Variants in BAX observed in about 807,000 individuals in gnomAD.
The protein encoded by BAX is apoptosis regulator BAX.
In BAX, 21 loss-of-function variants were observed where a neutral mutation model predicts 26.8. That is an observed-to-expected ratio of 0.78 (90% CI 0.56 to 1.13). The LOEUF (loss-of-function observed/expected upper bound fraction) is 1.13. BAX is among the 50% of genes most tolerant of loss of function. The pLI is 0.00. For missense variants in BAX, 236 were observed against 254.6 expected, an observed-to-expected ratio of 0.93 and a Z score of 0.50; for synonymous variants, 110 against 101.8, an observed-to-expected ratio of 1.08 and a Z score of -0.49.
intron 3 of BAX, 65 bp downstream of exon 3, chr19:48,955,898 C>CCCG: frequency 1.3e-6 from 2 of 1,494,234 alleles, no homozygotes; most frequent in Non-Finnish European, 1.8e-6. Flanking sequence ...GACTCTCAGC[C>CCCG]CCGCATTCTC....
In BAX at chr19:48,955,825, G is replaced by A; in HGVS notation, c.225G>A (p.Glu75=). The part of the protein sequence containing the change: ...RIGDELDSNM[E]LQRMIAAVDT... ...GGGACGAACTGGACAGTAACATGGAGCTGCAGAGGTGTGGGCCCCTGAGGA... is the reference window on the plus strand; with the variant it reads ...GGGACGAACTGGACAGTAACATGGAACTGCAGAGGTGTGGGCCCCTGAGGA... Residue 75 remains glutamate, a synonymous_variant, in exon 3 of 6, where the codon GAG becomes GAA. Transcript: ENST00000345358. The A allele has an allele frequency of 6.9e-6, 11 of 1,596,480 alleles. No homozygotes were observed. The highest frequency in any genetic ancestry group is 9.4e-6 in the Non-Finnish European group (11 of 1,169,792).
chr19:48,959,340 AC>A (rs1400392963), intron 4 of BAX, among the ~76,000 whole-genome samples: 3 of 96,358 alleles, frequency 3.1e-5, no homozygotes, highest in East Asian at 5.7e-4. Context: ...ACAGAGTGAG[AC>A]TCCGTCTCAA....
Position 48,960,843 on chromosome 19 carries a change from A to G in BAX, c.403A>G (p.Thr135Ala). The G allele has an allele frequency of 6.2e-7, 1 of 1,614,052 alleles. No individual in the cohort carries two copies. Among genetic ancestry groups the G allele is most frequent in the Non-Finnish European group, 8.5e-7 (1 of 1,179,990 alleles). The change falls in exon 5 of 6, where the codon ACC becomes GCC. Residue 135 changes from threonine (T) to alanine (A), a missense_variant. Thr to Ala is a moderately conservative substitution (Grantham distance 58, BLOSUM62 0). Coordinates refer to ENST00000345358, the MANE Select transcript of BAX (RefSeq NM_138761.4). ...CACCAAGGTGCCGGAACTGATCAGAACCATCATGGGCTGGACATTGGACTT... is the reference window on the plus strand; with the variant it reads ...CACCAAGGTGCCGGAACTGATCAGAGCCATCATGGGCTGGACATTGGACTT... ...LCTKVPELIR[T>A]IMGWTLDFLR...
rs527361388 is a variant in BAX at position 48,957,329 on chromosome 19, C to T, written c.369+996C>T. ...TCACTTTGTTGCCCAGGCTGGAGTG[C>T]AATGGCGCCATCTCGGCTCACTGCA... is the stretch of plus-strand genomic sequence containing the variant. On this transcript the variant is annotated intron_variant, in intron 4 of 5. Coordinates refer to ENST00000345358, the MANE Select transcript of BAX (RefSeq NM_138761.4). Among the ~76,000 whole-genome samples, 33 of 114,792 alleles carry T rather than the reference C, an allele frequency of 2.9e-4. 1 individual carries two copies. The South Asian group carries it at 0.01, about 36-fold the overall frequency. 75.3% of individuals were successfully genotyped at this position (114,792 alleles called of 152,430 possible).
At position 48,954,925 on chromosome 19, in the gene BAX, G is replaced by A. The variant is rs756379361; in HGVS notation, c.-4G>A. 38 of 1,238,640 alleles carry A rather than the reference G, an allele frequency of 3.1e-5. No homozygotes were observed. In the African/African-American group the frequency reaches 5.3e-4, roughly 17 times the overall value. The allele number at this position is 1,238,640 out of a possible 1,614,324, so 76.7% of individuals were successfully genotyped here. A position where few individuals can be genotyped will look rare whatever the true frequency, so the allele number is the denominator to read the frequency against. On this transcript the variant is annotated 5_prime_UTR_variant, in exon 1 of 6. Coordinates refer to ENST00000345358, the MANE Select transcript of BAX (RefSeq NM_138761.4). ...GGCGAGAGGCGGCGGCGGGAGCGGC[G>A]GTGATGGACGGGTCCGGGGAGCAGC...
rs760586942 is a variant in BAX at position 48,955,701 on chromosome 19, G to A, written c.101G>A (p.Arg34Gln). The change falls in exon 3 of 6, where the codon CGA becomes CAA. Residue 34 changes from arginine (R) to glutamine (Q), a missense_variant. Transcript: ENST00000345358. ...CCCCACTCTAGTTTCATCCAGGATC[G>A]AGCAGGGCGAATGGGGGGGGAGGCA... Reference protein sequence around the residue: ...ALLLQGFIQDRAGRMGGEAPE... With the variant: ...ALLLQGFIQDQAGRMGGEAPE... 2 of 1,612,414 alleles carry A rather than the reference G, an allele frequency of 1.2e-6. No individual in the cohort carries two copies. The highest frequency in any genetic ancestry group is 1.1e-5 in the South Asian group (1 of 90,930).
chr19:48,961,493 T>G, intron 5 of BAX, 39 bp from the exon 6 acceptor site: 2 of 1,534,188 alleles, frequency 1.3e-6, no homozygotes, highest in Non-Finnish European at 1.8e-6. Flanking sequence ...GGGCTGCCCC[T>G]GGCCGAGTCA....
At chr19:48,957,724 C>T (rs574989148) in intron 4 of BAX, among the ~76,000 whole-genome samples, 2 of 152,188 alleles carry the variant, frequency 1.3e-5, no homozygotes, top group South Asian at 2.1e-4. Flanking sequence ...TCCTAGTAAT[C>T]CCATCATAAA....
Position 48,960,866 on chromosome 19 carries a change from C to T in BAX, c.426C>T (p.Asp142=), listed in dbSNP as rs1416817881. The stretch of plus-strand genomic sequence containing the variant: ...GAACCATCATGGGCTGGACATTGGA[C>T]TTCCTCCGGGAGCGGCTGTTGGGCT... ...LIRTIMGWTL[D]FLRERLLGWI... The change falls in exon 5 of 6, where the codon GAC becomes GAT. Residue 142 remains aspartate (D), a synonymous_variant. Transcript: ENST00000345358. 1.9e-6 allele frequency: 3 copies of T among 1,614,180 alleles called. No homozygotes were observed. Among genetic ancestry groups the T allele is most frequent in the Non-Finnish European group, 2.5e-6 (3 of 1,180,026 alleles).
chr19:48,956,115 T>C, intron 3 of BAX, 83 bp from the exon 4 acceptor site: 6 of 1,431,954 alleles, frequency 4.2e-6, no homozygotes, highest in Non-Finnish European at 4.6e-6. Context: ...AGTCTCCTTA[T>C]CTTTAGTGTG....
intron 4 of BAX, 39 bp downstream of exon 4, chr19:48,956,372 C>T (rs371363325): frequency 1.3e-6 from 2 of 1,485,276 alleles, no homozygotes; most frequent in South Asian, 2.7e-5. Flanking sequence ...GGATGCTCCC[C>T]CTCAGATCTG....
At chr19:48,957,632 C>T (rs1195520125) in intron 4 of BAX, among the ~76,000 whole-genome samples, 2 of 152,060 alleles carry the variant, frequency 1.3e-5, no homozygotes, top group African/African-American at 4.8e-5. Flanking sequence ...GTTTTAAATA[C>T]GGAAGCGACA....
intron 1 of BAX, chr19:48,955,220 C>G (rs1423915593): frequency 1.8e-5 from 8 of 439,022 alleles, no homozygotes; most frequent in Non-Finnish European, 3.0e-5. Flanking sequence ...CCCGGGCAGG[C>G]CCGGGCTTGT....
chr19:48,959,013 C>T (rs2038243804), intron 4 of BAX, among the ~76,000 whole-genome samples: 1 of 152,006 alleles, frequency 6.6e-6, no homozygotes, highest in Admixed American at 6.6e-5. Flanking sequence ...GTTGGGAGAG[C>T]AGGTCGGGGT....
chr19:48,958,985 G>A (rs990078363), intron 4 of BAX, among the ~76,000 whole-genome samples: 3 of 152,168 alleles, frequency 2.0e-5, no homozygotes, highest in Admixed American at 6.5e-5. Flanking sequence ...GATAAAGGCT[G>A]CAGGAGAAGT....
In BAX at chr19:48,955,572, T is replaced by C; in HGVS notation, c.59T>C (p.Met20Thr). 1 of 1,613,996 alleles carries C rather than the reference T, an allele frequency of 6.2e-7. No individual in the cohort carries two copies. Among genetic ancestry groups the C allele is most frequent in the Non-Finnish European group, 8.5e-7 (1 of 1,179,944 alleles). The change falls in exon 2 of 6, where the codon ATG becomes ACG. Residue 20 changes from methionine to threonine, a missense_variant. Transcript: ENST00000345358. ...GGGPTSSEQI[M>T]KTGALLLQGF... is the part of the protein sequence containing the mutation. Reference sequence around the variant, plus strand: ...GGGCCCACCAGCTCTGAGCAGATCATGAAGACAGGGGCCCTTTTGCTTCAG... The same window carrying C: ...GGGCCCACCAGCTCTGAGCAGATCACGAAGACAGGGGCCCTTTTGCTTCAG...
intron 4 of BAX, among the ~76,000 whole-genome samples, chr19:48,958,312 T>G (rs1416095903): frequency 1.3e-5 from 2 of 149,188 alleles, no homozygotes; most frequent in Non-Finnish European, 3.0e-5. Context: ...TCCAGGCTGG[T>G]CTCCAACAGG....
intron 4 of BAX, among the ~76,000 whole-genome samples, chr19:48,959,727 C>T (rs1374546374): frequency 4.7e-5 from 7 of 149,330 alleles, no homozygotes; most frequent in African/African-American, 1.7e-4. Flanking sequence ...TTAGGAGGCT[C>T]AGGCAGGAGG....
chr19:48,960,664 TG>T, intron 4 of BAX, 145 bp from the exon 5 acceptor site: 1 of 741,340 alleles, frequency 1.3e-6, no homozygotes, highest in South Asian at 1.7e-5. Context: ...CACCTGGCCA[TG>T]TTTACAATTT....
Sources: allele counts gnomAD v4.1 joint callset (sites outside exome capture counted in the v4.1 genomes callset), GRCh38; gene constraint gnomAD v4.1.1; transcripts MANE v1.5; gene names NCBI Gene and HGNC (gene_info 2026-07-23, HGNC 2026-07-21).